Variants in SPTAN1 observed in about 807,000 individuals in gnomAD.
The protein encoded by SPTAN1 is spectrin alpha, non-erythrocytic 1, also known as spectrin alpha chain, non-erythrocytic 1.
Under a neutral mutation model 331.3 loss-of-function variants are expected in SPTAN1, and 61 were observed. The ratio of observed to expected loss-of-function variants is 0.18; its 90% CI spans 0.15 to 0.23. The LOEUF (loss-of-function observed/expected upper bound fraction) is 0.23, where lower values mean the gene tolerates loss of function less well. Among genes scored for constraint, SPTAN1 ranks in the 10% least tolerant of loss-of-function variants. SPTAN1 has a pLI of 1.00. For missense variants in SPTAN1, 2,043 were observed against 3,147.9 expected (o/e 0.65, Z 8.40); for synonymous variants, 1,153 against 1,173.9 (o/e 0.98, Z 0.36).
chr9:128,625,107 A>G lies in SPTAN1; in HGVS notation c.5997A>G (p.Glu1999=). ...KADVVESWIG[E]KENSLKTDDY... ...TTTCCACACTTCGTTTTCTAGGTGAAAAGGAGAACAGCTTGAAGACAGATG... is the reference window on the plus strand; with the variant it reads ...TTTCCACACTTCGTTTTCTAGGTGAGAAGGAGAACAGCTTGAAGACAGATG... The change falls in exon 47 of 57, where the codon GAA becomes GAG. Residue 1999 remains glutamate (E), a synonymous_variant. Transcript: ENST00000372739. This position sits in a 1 kb window ranked among gnomAD's most constrained non-coding sequence, Gnocchi z 4.1. 6.2e-7 allele frequency: 1 copy of G among 1,614,124 alleles called. No homozygotes were observed. Among genetic ancestry groups the G allele is most frequent in the Non-Finnish European group, 8.5e-7 (1 of 1,180,018 alleles).
At chr9:128,618,846 T>C (rs1564299863) in intron 43 of SPTAN1, 25 bp from the exon 44 acceptor site, 2 of 1,614,096 alleles carry the variant, frequency 1.2e-6, no homozygotes, top group Admixed American at 3.3e-5. Flanking sequence ...TTATGGCTGA[T>C]TTTCTTCCTG....
chr9:128,564,451 G>T (rs1467343646), intron 1 of SPTAN1, among the ~76,000 whole-genome samples: 1 of 151,818 alleles, frequency 6.6e-6, no homozygotes, highest in Admixed American at 6.6e-5. Context: ...AGTCATGGTG[G>T]TGTGCACCCA....
At chr9:128,572,445 G>A (rs1850838096) in intron 3 of SPTAN1, among the ~76,000 whole-genome samples, 2 of 148,476 alleles carry the variant, frequency 1.3e-5, no homozygotes, top group Non-Finnish European at 3.0e-5. Context: ...TGGGACAATG[G>A]TTCCAGTACT....
At chr9:128,589,693 A>G (rs1357864768) in intron 21 of SPTAN1, among the ~76,000 whole-genome samples, 2 of 149,334 alleles carry the variant, frequency 1.3e-5, no homozygotes, top group Non-Finnish European at 3.0e-5. Flanking sequence ...CTCCTGCCTC[A>G]GCCTCCCGAG....
chr9:128,612,632 C>T (rs1856692691), intron 39 of SPTAN1, among the ~76,000 whole-genome samples: 1 of 152,164 alleles, frequency 6.6e-6, no homozygotes, highest in African/African-American at 2.4e-5. Context: ...ACTATAAAAA[C>T]ATAGAGGTTT....
chr9:128,618,813 A>G, intron 43 of SPTAN1, 58 bp from the exon 44 acceptor site: 1 of 1,613,478 alleles, frequency 6.2e-7, no homozygotes, highest in South Asian at 1.1e-5. Flanking sequence ...TATGTTAACT[A>G]TCACAATCAA....
chr9:128,624,139 A>G (rs1858369621), intron 45 of SPTAN1, among the ~76,000 whole-genome samples, 189 bp from the exon 46 acceptor site: 1 of 149,980 alleles, frequency 6.7e-6, no homozygotes, highest in Admixed American at 6.7e-5. Flanking sequence ...AATTGTCAGT[A>G]CGTGTATTTG....
At chr9:128,588,310 A>ATTTTTTT (rs386416287) in intron 20 of SPTAN1, among the ~76,000 whole-genome samples, 3 of 114,716 alleles carry the variant, frequency 2.6e-5, no homozygotes, top group African/African-American at 3.5e-5. Context: ...TTAAAATGAG[A>ATTTTTTT]TTTTTTTTTT....
At chr9:128,617,498 G>A in intron 41 of SPTAN1, 142 bp from the exon 42 acceptor site, 1 of 1,205,648 alleles carries the variant, frequency 8.3e-7, no homozygotes, top group Non-Finnish European at 1.2e-6. Context: ...GGGAAGTAGA[G>A]GCTTTTGTTG....
At chr9:128,584,628 T>G in intron 17 of SPTAN1, 93 bp from the exon 18 acceptor site, 2 of 1,614,058 alleles carry the variant, frequency 1.2e-6, no homozygotes, top group East Asian at 4.5e-5. Flanking sequence ...TTTAAATTAT[T>G]GAACTGGAAC....
At chr9:128,600,781 GC>G (rs1855015021) in intron 27 of SPTAN1, among the ~76,000 whole-genome samples, 1 of 151,794 alleles carries the variant, frequency 6.6e-6, no homozygotes, top group East Asian at 1.9e-4. Flanking sequence ...TCCTGCCTCA[GC>G]CTCCCAAGTA....
In SPTAN1 at chr9:128,577,501, A is replaced by T. The variant is rs1192539733; in HGVS notation, c.1080A>T (p.Ser360=). The change falls in exon 8 of 57, where the codon TCA becomes TCT. Residue 360 remains serine, a synonymous_variant. Coordinates refer to ENST00000372739, the MANE Select transcript of SPTAN1 (RefSeq NM_001130438.3). The surrounding 1 kb of genome is among the most constrained non-coding windows in gnomAD (Gnocchi z 4.2). ...AAERHARLND[S]YRLQRFLADF... The stretch of plus-strand genomic sequence containing the variant: ...AGAGACATGCACGGCTCAATGATTC[A>T]TACAGGTGCAAATAATGCTCCAGGT... The T allele has an allele frequency of 6.2e-7, 1 of 1,613,748 alleles. No individual in the cohort carries two copies. The highest frequency in any genetic ancestry group is 1.7e-5 in the Admixed American group (1 of 60,028).
At chr9:128,570,322 ATATATATATTTTTTT>A (rs1259902665) in intron 3 of SPTAN1, among the ~76,000 whole-genome samples, 2 of 33,580 alleles carry the variant, frequency 6.0e-5, no homozygotes, top group Admixed American at 4.1e-4. Context: ...ATATATATAT[ATATATATATTTTTTT>A]TTTTTTTTTT....
At chr9:128,631,931 A>C (rs1859811913) in intron 52 of SPTAN1, 196 bp from the exon 53 acceptor site, 1 of 617,870 alleles carries the variant, frequency 1.6e-6, no homozygotes, top group African/African-American at 1.8e-5. Context: ...CCTCACATTG[A>C]AAGTCTCTCC....
rs185614333 is a variant in SPTAN1 at position 128,580,936 on chromosome 9, C to G, written c.1338C>G (p.Ser446=). 1 of 1,613,238 alleles carries G rather than the reference C, an allele frequency of 6.2e-7. No individual in the cohort carries two copies. Among genetic ancestry groups the G allele is most frequent in the Non-Finnish European group, 8.5e-7 (1 of 1,180,026 alleles). ...ATGCCCCCAAGCTGACCGTCCTTTC[C>G]GAGGAGAGAGCGGCGCTGCTGGAGC... ...DEVREKLTVL[S]EERAALLELW... The change falls in exon 11 of 57, where the codon TCC becomes TCG. Residue 446 remains serine, a synonymous_variant. Transcript: ENST00000372739.
intron 1 of SPTAN1, among the ~76,000 whole-genome samples, chr9:128,564,483 T>A (rs1004095000): frequency 6.6e-6 from 1 of 150,968 alleles, no homozygotes; most frequent in African/African-American, 2.4e-5. Context: ...AGTGGGAGGC[T>A]GAGGTGGAAG....
Position 128,592,966 on chromosome 9 carries a change from G to A in SPTAN1, c.3156-17G>A. On this transcript the variant is annotated splice_polypyrimidine_tract_variant and intron_variant, in intron 22 of 56. Coordinates refer to ENST00000372739, the MANE Select transcript of SPTAN1 (RefSeq NM_001130438.3). Reference sequence around the variant, plus strand: ...CCACTAATTCGTGCATGCTTTTGCTGTGCCCCCTCTGTGCAGGACACGCAT... The same window carrying A: ...CCACTAATTCGTGCATGCTTTTGCTATGCCCCCTCTGTGCAGGACACGCAT... 2 of 1,601,002 alleles carry A rather than the reference G, an allele frequency of 1.2e-6. No homozygotes were observed. The highest frequency in any genetic ancestry group is 2.3e-5 in the South Asian group (2 of 88,682).
chr9:128,615,211 T>C (rs1857013847), intron 40 of SPTAN1, among the ~76,000 whole-genome samples: 3 of 152,214 alleles, frequency 2.0e-5, no homozygotes, highest in African/African-American at 7.2e-5. Context: ...TGAATGAGCA[T>C]AGTTTGTTCG....
intron 27 of SPTAN1, 122 bp downstream of exon 27, chr9:128,600,237 T>G: frequency 9.1e-7 from 1 of 1,100,738 alleles, no homozygotes; most frequent in Non-Finnish European, 1.4e-6. Flanking sequence ...TGGACTTGTT[T>G]GGGCTGGTTT....
Sources: gnomAD v4.1 joint callset for allele counts (sites outside exome capture counted in the v4.1 genomes callset) on GRCh38, gnomAD v4.1.1 for gene constraint, Gnocchi (gnomAD v3.1) non-coding constraint, MANE v1.5 for transcripts, NCBI Gene and HGNC (gene_info 2026-07-23, HGNC 2026-07-21) for gene names.